Variants in RNF125 observed in about 807,000 individuals in gnomAD.
The protein encoded by RNF125 is E3 ubiquitin-protein ligase RNF125.
A neutral mutation model predicts 26.0 loss-of-function variants in RNF125; 21 were observed. The observed-to-expected ratio is 0.81, with a 90% CI of 0.57 to 1.16. The LOEUF is 1.16. Among genes scored for constraint, RNF125 ranks in the 50% most tolerant of loss-of-function variants. RNF125 has a pLI of 0.00. For missense variants in RNF125, 270 were observed against 299.4 expected, an observed-to-expected ratio of 0.90 and a Z score of 0.72; for synonymous variants, 95 against 109.2, an observed-to-expected ratio of 0.87 and a Z score of 0.81.
chr18:32,029,411 C>G (rs968358929), intron 1 of RNF125, among the ~76,000 whole-genome samples: 1 of 150,480 alleles, frequency 6.6e-6, no homozygotes, highest in Non-Finnish European at 1.5e-5. Flanking sequence ...ACTGCTTGAA[C>G]CCCAGAGTTT....
chr18:32,065,557 C>T (rs113421742), intron 4 of RNF125, among the ~76,000 whole-genome samples: 13 of 151,918 alleles, frequency 8.6e-5, no homozygotes, highest in African/African-American at 2.7e-4. Flanking sequence ...TTTTGTGTGT[C>T]GGAGTCTTGC....
intron 3 of RNF125, among the ~76,000 whole-genome samples, 199 bp downstream of exon 3, chr18:32,042,472 C>G (rs1473434837): frequency 6.6e-6 from 1 of 152,112 alleles, no homozygotes; most frequent in Non-Finnish European, 1.5e-5. Flanking sequence ...TTAAAAATTT[C>G]CAGGGGTAAC....
chr18:32,021,590 T>C (rs1234680305), intron 1 of RNF125, among the ~76,000 whole-genome samples: 1 of 152,174 alleles, frequency 6.6e-6, no homozygotes, highest in Non-Finnish European at 1.5e-5. Flanking sequence ...TAAAGATATC[T>C]CCATTTAAAT....
chr18:32,087,840 C>T, the RNF125 span, among the ~76,000 whole-genome samples: 1 of 152,126 alleles, frequency 6.6e-6, no homozygotes, highest in Non-Finnish European at 1.5e-5. Flanking sequence ...GTCTTTCCCT[C>T]AGGGGTGAAC....
At chr18:32,050,082 C>T (rs1188114387) in intron 4 of RNF125, among the ~76,000 whole-genome samples, 2 of 152,044 alleles carry the variant, frequency 1.3e-5, no homozygotes, top group Non-Finnish European at 2.9e-5. Context: ...ATCTGACTTA[C>T]CTCACATAAG....
rs2039376874 is a variant in RNF125 at position 32,055,934 on chromosome 18, ATG to A, written c.505-9967_505-9966del. 8.3e-5 allele frequency among the ~76,000 whole-genome samples: 11 copies of A among 133,214 alleles called. No homozygotes were observed. In the South Asian group the frequency reaches 9.9e-4, roughly 12 times the overall value. 87.4% of individuals were successfully genotyped at this position (133,214 alleles called of 152,430 possible). ...GCGGAGGTTGCAGTGAGCCGAGATC[ATG>A]CCATTGCACTCCAGCCTGGGTAACA... On this transcript the variant is annotated intron_variant, in intron 4 of 5. Transcript: ENST00000217740.
At chr18:32,019,393 G>C (rs2038963893) in intron 1 of RNF125, among the ~76,000 whole-genome samples, 1 of 152,080 alleles carries the variant, frequency 6.6e-6, no homozygotes, top group Admixed American at 6.6e-5. Flanking sequence ...GCACGGAAAG[G>C]AAACGAGCTC....
At chr18:32,057,159 A>G (rs1180706428) in intron 4 of RNF125, among the ~76,000 whole-genome samples, 4 of 152,132 alleles carry the variant, frequency 2.6e-5, no homozygotes, top group African/African-American at 7.2e-5. Context: ...TTCCTTACCC[A>G]GCACTTAAAA....
chr18:32,061,642 G>A (rs992177459), intron 4 of RNF125, among the ~76,000 whole-genome samples: 2 of 152,094 alleles, frequency 1.3e-5, no homozygotes, highest in African/African-American at 4.8e-5. Flanking sequence ...CTCCCTGCTG[G>A]CCTGGCTGGC....
chr18:32,019,792 C>T (rs1413983996), intron 1 of RNF125, among the ~76,000 whole-genome samples: 1 of 152,206 alleles, frequency 6.6e-6, no homozygotes, highest in East Asian at 1.9e-4. Context: ...ACCTGCTTTA[C>T]GCACGGTCTC....
chr18:32,078,979 T>G, the RNF125 span, among the ~76,000 whole-genome samples: 1,490 of 152,320 alleles, frequency 9.8e-3, 24 homozygotes, highest in African/African-American at 0.034. Context: ...CAGTATCCCT[T>G]GACCATACAT....
chr18:32,032,204 G>A (rs1157010311), intron 1 of RNF125, among the ~76,000 whole-genome samples: 1 of 152,044 alleles, frequency 6.6e-6, no homozygotes, highest in Non-Finnish European at 1.5e-5. Context: ...AGCCTCCCGA[G>A]TAGCTGGGAT....
intron 2 of RNF125, among the ~76,000 whole-genome samples, chr18:32,041,065 C>A: frequency 6.6e-6 from 1 of 152,194 alleles, no homozygotes; most frequent in Non-Finnish European, 1.5e-5. Context: ...GTAGCTTGGG[C>A]AAAATGAAGC....
chr18:32,030,446 A>C (rs2144445430), intron 1 of RNF125, among the ~76,000 whole-genome samples: 1 of 152,356 alleles, frequency 6.6e-6, no homozygotes, highest in Middle Eastern at 3.4e-3. Context: ...AAGTATGAGC[A>C]GTAAAGCGTA....
chr18:32,039,350 C>T (rs755509129), intron 2 of RNF125, among the ~76,000 whole-genome samples: 7 of 151,978 alleles, frequency 4.6e-5, no homozygotes, highest in South Asian at 2.1e-4. Context: ...AAACTATGAT[C>T]GTGCCACTGC....
chr18:32,038,014 T>G (rs1227234820), intron 2 of RNF125, among the ~76,000 whole-genome samples: 1 of 151,358 alleles, frequency 6.6e-6, no homozygotes, highest in East Asian at 1.9e-4. Flanking sequence ...CAAGAAACCT[T>G]GCTACCACTC....
intron 4 of RNF125, among the ~76,000 whole-genome samples, chr18:32,056,059 C>T (rs960113851): frequency 9.3e-5 from 14 of 149,750 alleles, no homozygotes; most frequent in Non-Finnish European, 1.8e-4. Flanking sequence ...TTAAGAAATC[C>T]ATTATTATTT....
chr18:32,051,673 A>T (rs1446790010), intron 4 of RNF125, among the ~76,000 whole-genome samples: 3 of 144,460 alleles, frequency 2.1e-5, no homozygotes, highest in African/African-American at 5.1e-5. Context: ...CAGGGGTTCC[A>T]GTGAGTTCTA....
chr18:32,083,484 A>G, the RNF125 span, among the ~76,000 whole-genome samples: 1 of 152,142 alleles, frequency 6.6e-6, no homozygotes, highest in Non-Finnish European at 1.5e-5. Context: ...GTTTCCCTAA[A>G]ATGTAGGCTT....
Sources: gnomAD v4.1 joint callset for allele counts (sites outside exome capture counted in the v4.1 genomes callset) on GRCh38, gnomAD v4.1.1 for gene constraint, MANE v1.5 for transcripts, NCBI Gene and HGNC (gene_info 2026-07-23, HGNC 2026-07-21) for gene names.